Variants in ARB2A observed in about 807,000 individuals in gnomAD.
The protein encoded by ARB2A is ARB2 cotranscriptional regulator A.
At chr5:93,779,124 T>TGTGTGTGTGCGC in the ARB2A span, among the ~76,000 whole-genome samples, 93 of 146,374 alleles carry the variant, frequency 6.4e-4, 2 homozygotes, top group African/African-American at 1.7e-3. Context: ...TGTGTGTGTG[T>TGTGTGTGTGCGC]GCGCGCGCGC....
At chr5:93,913,166 AC>A in the ARB2A span, among the ~76,000 whole-genome samples, 1 of 151,578 alleles carries the variant, frequency 6.6e-6, no homozygotes, top group South Asian at 2.1e-4. Context: ...CTGATTCCCC[AC>A]ACTTAATCTT....
the ARB2A span, among the ~76,000 whole-genome samples, chr5:93,788,802 C>G: frequency 1.3e-5 from 2 of 152,160 alleles, no homozygotes; most frequent in African/African-American, 4.8e-5. Flanking sequence ...GCCATGAAGT[C>G]TTTGGCATAT....
chr5:93,747,725 G>C, the ARB2A span, among the ~76,000 whole-genome samples: 18 of 152,084 alleles, frequency 1.2e-4, no homozygotes, highest in Admixed American at 9.2e-4. Context: ...GCTCCCAGCA[G>C]CCTGCTCATC....
the ARB2A span, among the ~76,000 whole-genome samples, chr5:93,833,184 T>C: frequency 2.0e-5 from 3 of 152,208 alleles, no homozygotes; most frequent in Non-Finnish European, 2.9e-5. Flanking sequence ...AACTTGAAAG[T>C]AGATTATCTT....
chr5:93,761,201 A>G, the ARB2A span, among the ~76,000 whole-genome samples: 3 of 152,080 alleles, frequency 2.0e-5, no homozygotes, highest in Non-Finnish European at 4.4e-5. Context: ...GAGTGTCAGA[A>G]AGTGGGTGCA....
the ARB2A span, among the ~76,000 whole-genome samples, chr5:93,828,517 C>T: frequency 6.6e-6 from 1 of 152,128 alleles, no homozygotes; most frequent in Admixed American, 6.6e-5. Flanking sequence ...AATCCATCTA[C>T]TTTTCTTTCA....
At chr5:94,098,704 G>T in the ARB2A span, among the ~76,000 whole-genome samples, 3 of 151,480 alleles carry the variant, frequency 2.0e-5, no homozygotes, top group South Asian at 2.1e-4. Context: ...TTGATTTTTT[G>T]AAAAAAATAA....
chr5:93,857,748 A>G, the ARB2A span, among the ~76,000 whole-genome samples: 29 of 152,186 alleles, frequency 1.9e-4, no homozygotes, highest in African/African-American at 7.0e-4. Flanking sequence ...CGAGTGAGGC[A>G]ATGCCTCGTC....
chr5:94,058,112 T>C, the ARB2A span, among the ~76,000 whole-genome samples: 1 of 152,086 alleles, frequency 6.6e-6, no homozygotes, highest in Non-Finnish European at 1.5e-5. Context: ...GTATGCCTAT[T>C]AGCCCTAGAG....
At chr5:93,822,863 A>C in the ARB2A span, among the ~76,000 whole-genome samples, 1 of 152,124 alleles carries the variant, frequency 6.6e-6, no homozygotes, top group Non-Finnish European at 1.5e-5. Context: ...TAACTTAACG[A>C]TTTATTGATC....
At chr5:93,796,326 T>C in the ARB2A span, among the ~76,000 whole-genome samples, 4 of 152,208 alleles carry the variant, frequency 2.6e-5, no homozygotes, top group African/African-American at 9.6e-5. Context: ...ATTTCTTCAA[T>C]GTAAGCTCAG....
chr5:93,881,671 T>C, the ARB2A span: 34 of 1,567,312 alleles, frequency 2.2e-5, no homozygotes, highest in East Asian at 7.5e-4. Flanking sequence ...GATTTAGTAC[T>C]ATTACTCCAT....
At chr5:93,948,828 C>T in the ARB2A span, among the ~76,000 whole-genome samples, 1 of 152,176 alleles carries the variant, frequency 6.6e-6, no homozygotes, top group South Asian at 2.1e-4. Context: ...CCCACCTAAG[C>T]CTCTTAAGTA....
the ARB2A span, among the ~76,000 whole-genome samples, chr5:93,673,285 A>G: frequency 3.3e-5 from 5 of 152,182 alleles, no homozygotes; most frequent in African/African-American, 1.2e-4. Flanking sequence ...CATTTACTCA[A>G]GAATCTTTGT....
the ARB2A span, among the ~76,000 whole-genome samples, chr5:93,981,200 T>C: frequency 1.3e-5 from 2 of 151,944 alleles, no homozygotes; most frequent in Non-Finnish European, 2.9e-5. Flanking sequence ...CCCAAGTAGC[T>C]GGGACTACAG....
chr5:94,110,885 C>T, the ARB2A span, among the ~76,000 whole-genome samples: 3 of 152,066 alleles, frequency 2.0e-5, no homozygotes, highest in Non-Finnish European at 2.9e-5. Context: ...CCAAACACAA[C>T]GAGTTTCTTG....
chr5:94,074,816 T>A, the ARB2A span: 1 of 1,312,866 alleles, frequency 7.6e-7, no homozygotes, highest in Non-Finnish European at 1.1e-6. Context: ...AAAACCTATC[T>A]ATTCCACGAG....
At chr5:93,791,249 CTA>C in the ARB2A span, among the ~76,000 whole-genome samples, 2 of 152,170 alleles carry the variant, frequency 1.3e-5, no homozygotes, top group Non-Finnish European at 2.9e-5. Context: ...TGGCTTATGA[CTA>C]TTAAACTGGC....
At chr5:93,854,480 T>C in the ARB2A span, among the ~76,000 whole-genome samples, 1 of 152,232 alleles carries the variant, frequency 6.6e-6, no homozygotes, top group South Asian at 2.1e-4. Context: ...ATTTTAGTTA[T>C]TTCTTGCCTT....
Sources: gnomAD v4.1 joint callset for allele counts (sites outside exome capture counted in the v4.1 genomes callset) on GRCh38, gnomAD v4.1.1 for gene constraint, MANE v1.5 for transcripts, NCBI Gene and HGNC (gene_info 2026-07-23, HGNC 2026-07-21) for gene names.